The following DPP10 variants were observed in gnomAD, a reference collection of about 807,000 sequenced individuals.
DPP10 encodes the protein inactive dipeptidyl peptidase 10.
A neutral mutation model predicts 120.9 loss-of-function variants in DPP10; 33 were observed. That is an observed-to-expected ratio of 0.27 (90% CI 0.21 to 0.37). The LOEUF (loss-of-function observed/expected upper bound fraction) is 0.37. Among genes scored for constraint, DPP10 ranks in the 10% least tolerant of loss-of-function variants. The probability of loss-of-function intolerance (pLI) is 1.00; values close to 1 mark genes in which losing one functional copy is unlikely to be tolerated. For missense variants in DPP10, 816 were observed against 942.8 expected, an observed-to-expected ratio of 0.87 and a Z score of 1.76; for synonymous variants, 337 against 326.1, an observed-to-expected ratio of 1.03 and a Z score of -0.36.
intron 1 of DPP10, among the ~76,000 whole-genome samples, chr2:114,602,079 G>A (rs1160326385): frequency 6.6e-6 from 1 of 151,708 alleles, no homozygotes; most frequent in East Asian, 1.9e-4. Flanking sequence ...TTAATAAGGG[G>A]CTTAAAAGTA....
chr2:114,875,363 T>C (rs961230966), intron 1 of DPP10, among the ~76,000 whole-genome samples: 1 of 152,150 alleles, frequency 6.6e-6, no homozygotes, highest in Non-Finnish European at 1.5e-5. Context: ...AATTACAACC[T>C]AGCATAGTGT....
chr2:115,344,231 G>A (rs1437412989), intron 3 of DPP10, among the ~76,000 whole-genome samples: 1 of 151,836 alleles, frequency 6.6e-6, no homozygotes, highest in African/African-American at 2.4e-5. Context: ...TAAAACCTTG[G>A]TTCTTGTGAG....
At chr2:114,475,018 T>C (rs17048408) in intron 1 of DPP10, among the ~76,000 whole-genome samples, 8,082 of 152,244 alleles carry the variant, frequency 0.053, 683 homozygotes, top group African/African-American at 0.18. Context: ...CTGGTCAGCT[T>C]GAAGAATCTG....
intron 1 of DPP10, among the ~76,000 whole-genome samples, chr2:115,051,907 TATATC>T (rs1437317374): frequency 2.0e-5 from 3 of 152,228 alleles, no homozygotes; most frequent in Non-Finnish European, 4.4e-5. Context: ...AATATGTACA[TATATC>T]AGAACATCAT....
At chr2:114,803,030 C>A (rs1036723749) in intron 1 of DPP10, among the ~76,000 whole-genome samples, 1 of 152,058 alleles carries the variant, frequency 6.6e-6, no homozygotes, top group Non-Finnish European at 1.5e-5. Context: ...ATTTTATCTC[C>A]CAGAATTCCT....
chr2:115,668,169 T>C (rs1473186644), intron 5 of DPP10, among the ~76,000 whole-genome samples: 1 of 152,056 alleles, frequency 6.6e-6, no homozygotes, highest in Non-Finnish European at 1.5e-5. Context: ...GGTAAGCCCT[T>C]TATTATAGGG....
At chr2:115,792,133 C>T (rs1187782725) in intron 19 of DPP10, among the ~76,000 whole-genome samples, 2 of 152,050 alleles carry the variant, frequency 1.3e-5, no homozygotes, top group South Asian at 2.1e-4. Context: ...TCTGTGGAAT[C>T]GGATTTCCTG....
chr2:115,459,107 G>A (rs1418362493), intron 3 of DPP10, among the ~76,000 whole-genome samples: 1 of 151,848 alleles, frequency 6.6e-6, no homozygotes, highest in East Asian at 1.9e-4. Context: ...GATTTGGGTG[G>A]ACTTAACAGT....
rs1408355623 is a variant in DPP10, at chr2:115,696,309, A to C, written c.576+6388A>C. 2.0e-5 allele frequency among the ~76,000 whole-genome samples: 3 copies of C among 152,206 alleles called. No homozygotes were observed. The East Asian group carries it at 5.8e-4, about 29-fold the overall frequency. ...CCCACACCAAGACAAGTTACAATCAAACTGTTGAAAGACAAAGACAAAGAG... is the reference window on the plus strand; with the variant it reads ...CCCACACCAAGACAAGTTACAATCACACTGTTGAAAGACAAAGACAAAGAG... On this transcript the variant is annotated intron_variant, in intron 7 of 25. Transcript: ENST00000410059.
At chr2:114,592,768 G>A (rs1300906610) in intron 1 of DPP10, among the ~76,000 whole-genome samples, 1 of 152,034 alleles carries the variant, frequency 6.6e-6, no homozygotes, top group African/African-American at 2.4e-5. Flanking sequence ...ATATTCTAAT[G>A]AGTATATCAA....
chr2:114,797,749 C>T (rs767555774), intron 1 of DPP10, among the ~76,000 whole-genome samples: 16 of 152,078 alleles, frequency 1.1e-4, no homozygotes, highest in Admixed American at 2.0e-4. Context: ...CAAACAACAG[C>T]GTAGGTAGAT....
chr2:115,526,077 C>G (rs112912827), intron 5 of DPP10, 105 bp downstream of exon 5: 11 of 812,654 alleles, frequency 1.4e-5, no homozygotes, highest in African/African-American at 8.7e-5. Flanking sequence ...TCTGGCATGT[C>G]TAGTAACTAC....
intron 17 of DPP10, among the ~76,000 whole-genome samples, chr2:115,790,489 C>G (rs1049797775): frequency 2.6e-5 from 4 of 152,134 alleles, no homozygotes; most frequent in African/African-American, 9.7e-5. Context: ...CATGTTTTAT[C>G]AAATTTTTTG....
At chr2:115,469,884 G>GGAA (rs1558709609) in intron 3 of DPP10, among the ~76,000 whole-genome samples, 2 of 75,558 alleles carry the variant, frequency 2.6e-5, no homozygotes, top group Non-Finnish European at 5.6e-5. Flanking sequence ...GGCAACAAGA[G>GGAA]AAAAAAAAAA....
intron 1 of DPP10, among the ~76,000 whole-genome samples, chr2:114,469,445 T>G (rs532261497): frequency 1.1e-4 from 16 of 152,200 alleles, no homozygotes; most frequent in African/African-American, 3.9e-4. Context: ...ATATATATAT[T>G]GTGGGCGGGG....
chr2:115,298,470 C>G (rs941137052), intron 1 of DPP10, among the ~76,000 whole-genome samples: 1 of 152,060 alleles, frequency 6.6e-6, no homozygotes, highest in Non-Finnish European at 1.5e-5. Context: ...AGGACTTAAT[C>G]TGTATGGTAG....
intron 5 of DPP10, among the ~76,000 whole-genome samples, chr2:115,540,587 A>G (rs556624666): frequency 3.3e-4 from 50 of 151,922 alleles, no homozygotes; most frequent in Non-Finnish European, 5.6e-4. Flanking sequence ...TGATCTTCAT[A>G]AAGAAACATT....
intron 3 of DPP10, among the ~76,000 whole-genome samples, chr2:115,383,533 A>G (rs2066599952): frequency 6.6e-6 from 1 of 152,086 alleles, no homozygotes; most frequent in African/African-American, 2.4e-5. Context: ...TGACCCAGAA[A>G]TCCTCTTTTG....
intron 1 of DPP10, among the ~76,000 whole-genome samples, chr2:114,638,423 G>A (rs1024345647): frequency 1.3e-5 from 2 of 151,616 alleles, no homozygotes; most frequent in African/African-American, 2.4e-5. Context: ...TATAAGAAAC[G>A]TAGGCAAAAA....
Sources: gnomAD v4.1 joint callset for allele counts (sites outside exome capture counted in the v4.1 genomes callset) on GRCh38, gnomAD v4.1.1 for gene constraint, MANE v1.5 for transcripts, NCBI Gene and HGNC (gene_info 2026-07-23, HGNC 2026-07-21) for gene names.